Variants in CHODL observed in about 807,000 individuals in gnomAD.
CHODL encodes the protein chondrolectin.
CHODL carries 29 observed loss-of-function variants against 34.5 expected under a neutral mutation model. The observed-to-expected ratio is 0.84, with a 90% confidence interval of 0.63 to 1.15. The LOEUF is 1.15. Among genes scored for constraint, CHODL ranks in the 50% most tolerant of loss-of-function variants. The pLI is 0.00. For missense variants in CHODL, 332 were observed against 332.5 expected (o/e 1.00, Z 0.01); for synonymous variants, 125 against 116.1 (o/e 1.08, Z -0.49).
intron 1 of CHODL, among the ~76,000 whole-genome samples, chr21:17,974,350 G>A (rs1409618841): frequency 6.6e-6 from 1 of 152,142 alleles, no homozygotes; most frequent in Non-Finnish European, 1.5e-5. Context: ...TTGGCTCACT[G>A]CAACCTCCGC....
At chr21:17,986,318 C>G (rs892610954) in intron 1 of CHODL, among the ~76,000 whole-genome samples, 7 of 152,030 alleles carry the variant, frequency 4.6e-5, no homozygotes, top group Non-Finnish European at 8.8e-5. Context: ...CTCCCCTAGC[C>G]CCCCACCCCT....
chr21:18,034,562 T>C (rs1422535138), intron 2 of CHODL: 1 of 151,968 alleles, frequency 6.6e-6, no homozygotes, highest in Non-Finnish European at 1.5e-5. Context: ...ATGGCCTGGG[T>C]GGTCTAATAG....
chr21:18,243,324 C>G (rs2074099736), upstream of CHODL, among the ~76,000 whole-genome samples: 1 of 152,180 alleles, frequency 6.6e-6, no homozygotes. Context: ...AGCTATAGCT[C>G]TGTTGCCTGG....
chr21:18,026,957 A>G (rs1174673245), intron 1 of CHODL, among the ~76,000 whole-genome samples: 5 of 152,286 alleles, frequency 3.3e-5, no homozygotes, highest in Admixed American at 3.3e-4. Flanking sequence ...AGATAATTTA[A>G]GAAAGAAGCA....
chr21:18,245,873 T>C, intron 1 of CHODL: 1 of 1,532,056 alleles, frequency 6.5e-7, no homozygotes, highest in South Asian at 1.2e-5. Context: ...TGCCTTTCCT[T>C]TGCACACTGC....
intron 1 of CHODL, among the ~76,000 whole-genome samples, chr21:17,966,421 A>G (rs531654559): frequency 2.4e-4 from 36 of 152,336 alleles, no homozygotes; most frequent in Admixed American, 2.3e-3. Flanking sequence ...AGATAGAAAG[A>G]AAAATTGTTT....
chr21:18,152,906 C>A (rs549873839), intron 2 of CHODL, among the ~76,000 whole-genome samples: 1 of 152,156 alleles, frequency 6.6e-6, no homozygotes, highest in Non-Finnish European at 1.5e-5. Flanking sequence ...GGAATAGCCA[C>A]CATCATCAGC....
At chr21:18,218,550 G>A (rs1000039725) in intron 2 of CHODL, among the ~76,000 whole-genome samples, 32 of 152,158 alleles carry the variant, frequency 2.1e-4, no homozygotes, top group African/African-American at 7.5e-4. Flanking sequence ...GACATACCCT[G>A]GAGACATCCC....
chr21:17,998,361 T>G (rs933738401), intron 1 of CHODL, among the ~76,000 whole-genome samples: 3 of 152,156 alleles, frequency 2.0e-5, no homozygotes, highest in African/African-American at 4.8e-5. Flanking sequence ...GTCTGTGGCT[T>G]TTCCAGGTGT....
intron 2 of CHODL, among the ~76,000 whole-genome samples, chr21:18,074,155 A>G (rs1167693422): frequency 6.6e-6 from 1 of 152,134 alleles, no homozygotes; most frequent in Non-Finnish European, 1.5e-5. Context: ...GAAAATAGCC[A>G]CTGTTTTTCT....
chr21:17,955,339 A>C (rs1459188609), intron 1 of CHODL, among the ~76,000 whole-genome samples: 1 of 137,496 alleles, frequency 7.3e-6, no homozygotes, highest in East Asian at 2.2e-4. Flanking sequence ...TCCATTTCTG[A>C]AAAAGTTTTC....
intron 2 of CHODL, among the ~76,000 whole-genome samples, chr21:18,234,848 A>G (rs1601181414): frequency 6.6e-6 from 1 of 152,274 alleles, no homozygotes; most frequent in Non-Finnish European, 1.5e-5. Context: ...TTGAGAAGGT[A>G]AAATAAGTAC....
At chr21:17,957,133 C>T (rs1164603644) in intron 1 of CHODL, among the ~76,000 whole-genome samples, 1 of 152,118 alleles carries the variant, frequency 6.6e-6, no homozygotes, top group Non-Finnish European at 1.5e-5. Context: ...ATTTTTCTCT[C>T]TTATTCACTA....
At chr21:17,926,715 A>AT (rs2063226130) in intron 1 of CHODL, among the ~76,000 whole-genome samples, 1 of 152,090 alleles carries the variant, frequency 6.6e-6, no homozygotes, top group South Asian at 2.1e-4. Context: ...TGACACGTGG[A>AT]TTATAGGGAT....
intron 2 of CHODL, among the ~76,000 whole-genome samples, chr21:18,092,595 G>A (rs2065087355): frequency 6.6e-6 from 1 of 152,088 alleles, no homozygotes; most frequent in Non-Finnish European, 1.5e-5. Context: ...AATGAATTCA[G>A]GATTCTATCA....
intron 2 of CHODL, among the ~76,000 whole-genome samples, chr21:18,122,799 T>C (rs1301370822): frequency 6.6e-6 from 1 of 152,244 alleles, no homozygotes; most frequent in Non-Finnish European, 1.5e-5. Flanking sequence ...ATGTTTCCAT[T>C]AGACGCTTAT....
At chr21:18,244,311 C>T (rs1278937323), upstream of CHODL, among the ~76,000 whole-genome samples, 1 of 152,170 alleles carries the variant, frequency 6.6e-6, no homozygotes, top group Non-Finnish European at 1.5e-5. Context: ...TTTCAATTTG[C>T]TCTTGTGGCA....
At chr21:18,082,236 A>G (rs944107316) in intron 2 of CHODL, among the ~76,000 whole-genome samples, 1 of 152,148 alleles carries the variant, frequency 6.6e-6, no homozygotes, top group African/African-American at 2.4e-5. Context: ...ATGGTAAGAC[A>G]TGCTTACTTC....
chr21:18,173,907 C>A (rs893766637), intron 2 of CHODL, among the ~76,000 whole-genome samples: 2 of 151,014 alleles, frequency 1.3e-5, no homozygotes, highest in Non-Finnish European at 3.0e-5. Context: ...TTATAATGTA[C>A]ATGTTTGACC....
Sources: allele counts gnomAD v4.1 joint callset (sites outside exome capture counted in the v4.1 genomes callset), GRCh38; gene constraint gnomAD v4.1.1; transcripts MANE v1.5; gene names NCBI Gene and HGNC (gene_info 2026-07-23, HGNC 2026-07-21).